ANXA10: variants seen among roughly 807,000 people sequenced by gnomAD.
The protein encoded by ANXA10 is annexin 14.
In ANXA10, 49 loss-of-function variants were observed where a neutral mutation model predicts 53.5. The ratio of observed to expected loss-of-function variants is 0.92; its 90% CI spans 0.73 to 1.16. The LOEUF (loss-of-function observed/expected upper bound fraction) is 1.16, where lower values mean the gene tolerates loss of function less well. Ranked by LOEUF, ANXA10 falls within the 50% of genes most tolerant of loss-of-function variation. The pLI is 0.00. For missense variants in ANXA10, 393 were observed against 394.4 expected (o/e 1.00, Z 0.03); for synonymous variants, 131 against 128.9 (o/e 1.02, Z -0.11).
intron 8 of ANXA10, chr4:168,178,232 T>A: frequency 2.1e-6 from 1 of 465,678 alleles, no homozygotes; most frequent in East Asian, 4.1e-5. Flanking sequence ...TCTCTGTATT[T>A]GATGGAGTAC....
intron 2 of ANXA10, among the ~76,000 whole-genome samples, chr4:168,134,927 C>T (rs975609590): frequency 2.6e-5 from 4 of 152,208 alleles, no homozygotes; most frequent in African/African-American, 9.6e-5. Flanking sequence ...TTCCTGTGAT[C>T]CTAAGCCCAT....
intron 2 of ANXA10, among the ~76,000 whole-genome samples, chr4:168,130,812 GT>G (rs1560966834): frequency 2.0e-5 from 3 of 151,278 alleles, no homozygotes. Flanking sequence ...CTCCTGTTTC[GT>G]TTCTGATATT....
chr4:168,159,254 G>A (rs1454596994), intron 3 of ANXA10, among the ~76,000 whole-genome samples: 1 of 152,098 alleles, frequency 6.6e-6, no homozygotes, highest in Non-Finnish European at 1.5e-5. Flanking sequence ...CTACTTGCTC[G>A]TTAGGTGTCA....
intron 2 of ANXA10, among the ~76,000 whole-genome samples, chr4:168,134,751 T>C (rs1731210080): frequency 6.6e-6 from 1 of 152,314 alleles, no homozygotes; most frequent in Admixed American, 6.5e-5. Context: ...TTAATTTCTA[T>C]CTTTGAAGCC....
chr4:168,114,781 T>C (rs545057130), intron 1 of ANXA10, among the ~76,000 whole-genome samples: 1 of 152,314 alleles, frequency 6.6e-6, no homozygotes, highest in Admixed American at 6.5e-5. Flanking sequence ...CTAAGGATAA[T>C]GGCCTCAAGC....
In ANXA10 at chr4:168,131,142, T is replaced by C. The variant is rs1179099300; in HGVS notation, c.100+2977T>C. On this transcript the variant is annotated intron_variant, in intron 2 of 11. Coordinates refer to ENST00000359299, the MANE Select transcript of ANXA10 (RefSeq NM_007193.5). ...ATGCATTTTTCTCTAAGCATTGCTT[T>C]TGCTCATCTCATAAATTTTGAGTCA... is the stretch of plus-strand genomic sequence containing the variant. Among the ~76,000 whole-genome samples the C allele has an allele frequency of 2.1e-4, 32 of 151,980 alleles. 1 individual carries two copies. Among genetic ancestry groups the C allele is most frequent in the Admixed American group, 2.1e-3 (32 of 15,230 alleles).
At chr4:168,132,679 A>G (rs1399043417) in intron 2 of ANXA10, among the ~76,000 whole-genome samples, 1 of 152,120 alleles carries the variant, frequency 6.6e-6, no homozygotes, top group Non-Finnish European at 1.5e-5. Context: ...TGGATAACCC[A>G]TTCTTCATGA....
At chr4:168,102,088 T>C (rs948409044) in intron 1 of ANXA10, among the ~76,000 whole-genome samples, 2 of 152,138 alleles carry the variant, frequency 1.3e-5, no homozygotes, top group African/African-American at 4.8e-5. Flanking sequence ...ATTGTTTGGA[T>C]TATTTTTATT....
rs768505088 is a variant in ANXA10, at chr4:168,184,685, A to G, written c.906+4A>G. 13 of 1,612,012 alleles carry G rather than the reference A, an allele frequency of 8.1e-6. No individual in the cohort carries two copies. Among genetic ancestry groups the G allele is most frequent in the African/African-American group, 2.7e-5 (2 of 74,746 alleles). On this transcript the variant is annotated splice_donor_region_variant and intron_variant, in intron 11 of 11. Coordinates refer to ENST00000359299, the MANE Select transcript of ANXA10 (RefSeq NM_007193.5). ...ATCCCTATTTCATGATATCAGAGTA[A>G]GTTTCCGACACATGATTTATTTGGA...
intron 2 of ANXA10, among the ~76,000 whole-genome samples, chr4:168,134,399 T>A (rs1466019532): frequency 6.6e-6 from 1 of 152,108 alleles, no homozygotes; most frequent in Non-Finnish European, 1.5e-5. Flanking sequence ...TCTGGAAGAA[T>A]AAATAAACAA....
intron 6 of ANXA10, among the ~76,000 whole-genome samples, chr4:168,165,584 C>T (rs1731863596): frequency 6.6e-6 from 1 of 151,922 alleles, no homozygotes; most frequent in Admixed American, 6.6e-5. Context: ...TATAAATATA[C>T]ATGTATGTAT....
intron 1 of ANXA10, among the ~76,000 whole-genome samples, chr4:168,118,561 C>A (rs1730935081): frequency 6.6e-6 from 1 of 152,024 alleles, no homozygotes; most frequent in South Asian, 2.1e-4. Flanking sequence ...CTAATGAGTT[C>A]TAGTAATGAA....
At chr4:168,135,712 A>G (rs1731226212) in intron 2 of ANXA10, among the ~76,000 whole-genome samples, 1 of 152,166 alleles carries the variant, frequency 6.6e-6, no homozygotes, top group Non-Finnish European at 1.5e-5. Flanking sequence ...CATGAAAAGC[A>G]TGACAGGTTC....
At chr4:168,145,358 G>A (rs1160350920) in intron 3 of ANXA10, among the ~76,000 whole-genome samples, 1 of 152,220 alleles carries the variant, frequency 6.6e-6, no homozygotes, top group African/African-American at 2.4e-5. Flanking sequence ...TTCTAATCTT[G>A]TAGCTAATTT....
chr4:168,153,370 C>T (rs1308255779), intron 3 of ANXA10, among the ~76,000 whole-genome samples: 1 of 120,460 alleles, frequency 8.3e-6, no homozygotes, highest in East Asian at 2.4e-4. Flanking sequence ...TTCTGCTTAT[C>T]ACTAGAGAGA....
At chr4:168,141,468 T>A (rs1731324189) in intron 3 of ANXA10, among the ~76,000 whole-genome samples, 1 of 152,202 alleles carries the variant, frequency 6.6e-6, no homozygotes, top group Non-Finnish European at 1.5e-5. Context: ...GTAGCCAGAA[T>A]GACTCAAAAT....
At chr4:168,180,872 C>G (rs1486665837) in intron 9 of ANXA10, among the ~76,000 whole-genome samples, 1 of 152,148 alleles carries the variant, frequency 6.6e-6, no homozygotes, top group East Asian at 1.9e-4. Context: ...TGACCAGGCT[C>G]TAGGCTGTCC....
intron 3 of ANXA10, among the ~76,000 whole-genome samples, chr4:168,154,166 A>G (rs1237421799): frequency 6.6e-6 from 1 of 152,184 alleles, no homozygotes; most frequent in African/African-American, 2.4e-5. Flanking sequence ...GTAGTGATCA[A>G]ATAAATGTGA....
At chr4:168,182,758 C>G (rs1732279920) in intron 10 of ANXA10, among the ~76,000 whole-genome samples, 1 of 150,334 alleles carries the variant, frequency 6.7e-6, no homozygotes, top group South Asian at 2.1e-4. Flanking sequence ...TGCCTGTAAT[C>G]CCAGCACTTT....
Sources: allele counts gnomAD v4.1 joint callset (sites outside exome capture counted in the v4.1 genomes callset), GRCh38; gene constraint gnomAD v4.1.1; transcripts MANE v1.5; gene names NCBI Gene and HGNC (gene_info 2026-07-23, HGNC 2026-07-21).